The following RGS22 variants were observed in gnomAD, a reference collection of about 807,000 sequenced individuals.
RGS22 encodes the protein regulator of G-protein signaling 22.
In RGS22, 148 loss-of-function variants were observed where a neutral mutation model predicts 172.9. That is an observed-to-expected ratio of 0.86 (90% CI 0.75 to 0.98). RGS22 has a LOEUF of 0.98. RGS22 is among the 50% of genes least tolerant of loss of function. The pLI, the probability that RGS22 is intolerant of heterozygous loss-of-function variation, is 0.00. For missense variants in RGS22, 1,347 were observed against 1,440.8 expected (o/e 0.93, Z 1.05); for synonymous variants, 458 against 480.2 (o/e 0.95, Z 0.60).
chr8:99,983,193 T>C (rs1184031412), intron 21 of RGS22, among the ~76,000 whole-genome samples: 1 of 152,218 alleles, frequency 6.6e-6, no homozygotes, highest in Non-Finnish European at 1.5e-5. Flanking sequence ...ATTTTCTTTA[T>C]CAATCTACTA....
At chr8:100,037,225 TC>T (rs1489506325) in intron 14 of RGS22, among the ~76,000 whole-genome samples, 1 of 152,068 alleles carries the variant, frequency 6.6e-6, no homozygotes, top group Non-Finnish European at 1.5e-5. Context: ...GCCCAGGAGT[TC>T]AAGGCTGCAG....
In RGS22 at chr8:99,982,122, C is replaced by T. The variant is rs781325107; in HGVS notation, c.3181-6G>A. The stretch of plus-strand genomic sequence containing the variant: ...CAATGAGAATGGCACAAGTCCTGAA[C>T]AGAAGGAAAGATAGAATGGTATATA... On this transcript the variant is annotated splice_region_variant and splice_polypyrimidine_tract_variant and intron_variant, in intron 21 of 27. Coordinates refer to ENST00000360863, the MANE Select transcript of RGS22 (RefSeq NM_015668.5). 1 of 1,601,902 alleles carries T rather than the reference C, an allele frequency of 6.2e-7. No individual in the cohort carries two copies. Among genetic ancestry groups the T allele is most frequent in the South Asian group, 1.1e-5 (1 of 89,258 alleles).
chr8:100,044,666 T>C (rs555484712), intron 11 of RGS22, among the ~76,000 whole-genome samples: 2 of 151,180 alleles, frequency 1.3e-5, no homozygotes, highest in East Asian at 3.9e-4. Context: ...CTTGGTCTTC[T>C]CTTCAAGTTC....
chr8:100,071,347 GA>G, intron 6 of RGS22, 21 bp downstream of exon 6: 1 of 1,572,856 alleles, frequency 6.4e-7, no homozygotes, highest in Admixed American at 1.9e-5. Context: ...GCTAAGTCAT[GA>G]AAAAATGCTC....
Position 100,051,903 on chromosome 8 carries a change from ATT to A in RGS22, c.1689+897_1689+898del, listed in dbSNP as rs372293248. Among the ~76,000 whole-genome samples the A allele has an allele frequency of 3.8e-3, 155 of 40,550 alleles. 35 individuals are homozygous for A. Among genetic ancestry groups the A allele is most frequent in the South Asian group, 0.011 (10 of 888 alleles). 26.6% of individuals were successfully genotyped at this position (40,550 alleles called of 152,430 possible). A position where few individuals can be genotyped will look rare whatever the true frequency, so the allele number is the denominator to read the frequency against. On this transcript the variant is annotated intron_variant, in intron 10 of 27. Transcript: ENST00000360863. ...TATATTTATATATAAATGTTTATAT[ATT>A]TATATATTTATATATAAATGTTTAT...
intron 16 of RGS22, among the ~76,000 whole-genome samples, chr8:100,004,819 A>G (rs1815507759): frequency 6.6e-6 from 1 of 151,074 alleles, no homozygotes; most frequent in Non-Finnish European, 1.5e-5. Context: ...TAATATTAAA[A>G]TATAATATAA....
intron 3 of RGS22, among the ~76,000 whole-genome samples, chr8:100,086,296 A>G (rs1812154325): frequency 6.6e-6 from 1 of 152,180 alleles, no homozygotes; most frequent in Non-Finnish European, 1.5e-5. Context: ...AAGACTGGAG[A>G]GAAAGGATGA....
chr8:99,977,693 T>C (rs2131179502), intron 23 of RGS22, among the ~76,000 whole-genome samples: 1 of 152,258 alleles, frequency 6.6e-6, no homozygotes, highest in East Asian at 1.9e-4. Flanking sequence ...GCTGCTTGCG[T>C]TGCCACAGAG....
intron 9 of RGS22, among the ~76,000 whole-genome samples, chr8:100,060,421 T>TATATATATATATATATATACAC (rs1245783464): frequency 6.4e-4 from 76 of 119,482 alleles, no homozygotes; most frequent in African/African-American, 2.1e-3. Context: ...TATATATATA[T>TATATATATATATATATATACAC]ACACACACAC....
At chr8:100,079,754 A>T (rs2131895369) in intron 4 of RGS22, among the ~76,000 whole-genome samples, 1 of 152,272 alleles carries the variant, frequency 6.6e-6, no homozygotes, top group East Asian at 1.9e-4. Context: ...ACACAATGCA[A>T]CTTGAGGGTC....
chr8:100,048,579 T>G (rs1202645998), intron 10 of RGS22, among the ~76,000 whole-genome samples: 1 of 152,084 alleles, frequency 6.6e-6, no homozygotes, highest in Non-Finnish European at 1.5e-5. Flanking sequence ...TTATATATAC[T>G]CTATGTAATA....
chr8:99,999,313 C>A lies in RGS22; in HGVS notation c.2898G>T (p.Trp966Cys). 6.2e-7 allele frequency: 1 copy of A among 1,613,936 alleles called. No individual in the cohort carries two copies. Among genetic ancestry groups the A allele is most frequent in the Non-Finnish European group, 8.5e-7 (1 of 1,179,954 alleles). ...GTTCACTTGCAAGAAACAATGGCAG[C>A]CATACATTTTCTAGCCTATTTTGCA... ...KHVQNRLENV[W>C]LPLFLASEQF... Residue 966 changes from tryptophan to cysteine, a missense_variant, in exon 19 of 28, where the codon TGG becomes TGT. Trp to Cys is a radical substitution (Grantham distance 215). Coordinates refer to ENST00000360863, the MANE Select transcript of RGS22 (RefSeq NM_015668.5).
chr8:100,089,738 C>G (rs1812428122), intron 3 of RGS22, among the ~76,000 whole-genome samples: 1 of 152,100 alleles, frequency 6.6e-6, no homozygotes, highest in African/African-American at 2.4e-5. Context: ...CTATTAATGA[C>G]CCCTAAAACC....
At chr8:99,972,671 T>C (rs557861376) in intron 23 of RGS22, among the ~76,000 whole-genome samples, 9 of 152,230 alleles carry the variant, frequency 5.9e-5, no homozygotes, top group African/African-American at 2.2e-4. Flanking sequence ...ACACTGGTCA[T>C]TAGAGAAATA....
chr8:99,978,697 A>G (rs1812236533), intron 22 of RGS22, among the ~76,000 whole-genome samples: 1 of 152,224 alleles, frequency 6.6e-6, no homozygotes, highest in African/African-American at 2.4e-5. Context: ...ATTAATTGTG[A>G]TATTTATAGA....
At chr8:99,976,350 TTTTGTTTGTTTG>T (rs532250376) in intron 23 of RGS22, among the ~76,000 whole-genome samples, 3 of 152,056 alleles carry the variant, frequency 2.0e-5, no homozygotes, top group Non-Finnish European at 4.4e-5. Flanking sequence ...AAACACTGTC[TTTTGTTTGTTTG>T]TTTGTTTGTT....
In RGS22 at chr8:100,051,452, T is replaced by G. The variant is rs1352952295; in HGVS notation, c.1689+1350A>C. On this transcript the variant is annotated intron_variant, in intron 10 of 27. Transcript: ENST00000360863. The stretch of plus-strand genomic sequence containing the variant: ...TATATATTTATATATTTATTTATAT[T>G]ATATTATATATAAATATATATTATA... Among the ~76,000 whole-genome samples, 3 of 95,322 alleles carry G rather than the reference T, an allele frequency of 3.1e-5. No homozygotes were observed. The Admixed American group carries it at 4.0e-4, about 13-fold the overall frequency. 62.5% of individuals were successfully genotyped at this position (95,322 alleles called of 152,430 possible).
At position 100,105,353 on chromosome 8, in the gene RGS22, GC is replaced by G. The variant is rs760689625; in HGVS notation, c.54+20del. ...TTTTTAAAGGCCAAAGAAAAAAATAGCCCCTTGAAATGATACTTACAAATTC... is the reference window on the plus strand; with the variant it reads ...TTTTTAAAGGCCAAAGAAAAAAATAGCCCTTGAAATGATACTTACAAATTC... On this transcript the variant is annotated intron_variant, in intron 2 of 27. Transcript: ENST00000360863. 1 of 1,593,086 alleles carries G rather than the reference GC, an allele frequency of 6.3e-7. No individual in the cohort carries two copies. Among genetic ancestry groups the G allele is most frequent in the Non-Finnish European group, 8.6e-7 (1 of 1,162,410 alleles).
At chr8:100,019,970 C>T (rs1203424705) in intron 14 of RGS22, among the ~76,000 whole-genome samples, 63 of 148,222 alleles carry the variant, frequency 4.3e-4, no homozygotes, top group Non-Finnish European at 4.5e-4. Flanking sequence ...CCGCAACCTC[C>T]GTCTCCCAGG....
Sources: allele counts gnomAD v4.1 joint callset (sites outside exome capture counted in the v4.1 genomes callset), GRCh38; gene constraint gnomAD v4.1.1; transcripts MANE v1.5; gene names NCBI Gene and HGNC (gene_info 2026-07-23, HGNC 2026-07-21).